CACNA1I: variants seen among roughly 807,000 people sequenced by gnomAD.
The protein encoded by CACNA1I is calcium voltage-gated channel subunit alpha1 I, also known as voltage-dependent T-type calcium channel subunit alpha-1I.
In CACNA1I, 74 loss-of-function variants were observed where a neutral mutation model predicts 201.6. The ratio of observed to expected loss-of-function variants is 0.37; its 90% CI spans 0.30 to 0.45. CACNA1I has a LOEUF of 0.45. Ranked by LOEUF, CACNA1I falls within the 20% of genes least tolerant of loss-of-function variation. The probability of loss-of-function intolerance (pLI) is 1.00; values close to 1 mark genes in which losing one functional copy is unlikely to be tolerated. For missense variants in CACNA1I, 2,346 were observed against 3,138.1 expected, an observed-to-expected ratio of 0.75 and a Z score of 6.03; for synonymous variants, 1,431 against 1,345.2, an observed-to-expected ratio of 1.06 and a Z score of -1.40.
chr22:39,602,316 C>T (rs948224292), intron 3 of CACNA1I, among the ~76,000 whole-genome samples: 4 of 151,614 alleles, frequency 2.6e-5, no homozygotes, highest in African/African-American at 4.8e-5. Context: ...TTCAAGCTTT[C>T]CTCCCACCTC....
intron 3 of CACNA1I, among the ~76,000 whole-genome samples, chr22:39,606,590 T>C (rs1467552513): frequency 1.3e-5 from 2 of 152,178 alleles, no homozygotes; most frequent in Non-Finnish European, 2.9e-5. Flanking sequence ...TGGAGTGCAG[T>C]GGCGCCATCT....
chr22:39,662,062 C>T lies in CACNA1I; in HGVS notation c.2999C>T (p.Ser1000Leu), dbSNP rs1344269733. 6.4e-7 allele frequency: 1 copy of T among 1,553,244 alleles called. No individual in the cohort carries two copies. Among genetic ancestry groups the T allele is most frequent in the Non-Finnish European group, 8.7e-7 (1 of 1,153,786 alleles). The change falls in exon 17 of 37, where the codon TCG (serine) becomes TTG (leucine). Residue 1000 changes from serine (S) to leucine (L), a missense_variant. Physicochemically the swap from Ser to Leu is moderately radical, Grantham distance 145 (BLOSUM62 -2). Transcript: ENST00000402142. ...SWNSLKHKPPSAEHESLLSAE... is the reference protein window; with the variant it reads ...SWNSLKHKPPLAEHESLLSAE... Reference sequence around the variant, plus strand: ...AACAGCCTCAAGCACAAGCCGCCGTCGGCGGAGCATGAGTCCCTGCTCTCT... The same window carrying T: ...AACAGCCTCAAGCACAAGCCGCCGTTGGCGGAGCATGAGTCCCTGCTCTCT...
rs1342113275 is a variant in CACNA1I at position 39,598,226 on chromosome 22, C to T, written c.312C>T (p.Asp104=). 2 of 1,606,740 alleles carry T rather than the reference C, an allele frequency of 1.2e-6. No individual in the cohort carries two copies. The highest frequency in any genetic ancestry group is 1.3e-5 in the African/African-American group (1 of 74,792). Residue 104 remains aspartate, a synonymous_variant, in exon 2 of 37, where the codon GAC becomes GAT. Transcript: ENST00000402142. ...VTLGMYQPCD[D]MDCLSDRCKI... is the part of the protein sequence containing the mutation. ...TTGGCATGTACCAGCCGTGCGACGACATGGACTGCCTGTCCGACCGCTGCA... is the reference window on the plus strand; with the variant it reads ...TTGGCATGTACCAGCCGTGCGACGATATGGACTGCCTGTCCGACCGCTGCA...
At chr22:39,584,861 A>G (rs989533614) in intron 1 of CACNA1I, among the ~76,000 whole-genome samples, 2 of 152,176 alleles carry the variant, frequency 1.3e-5, no homozygotes, top group African/African-American at 4.8e-5. Context: ...ATGTCACATC[A>G]TGGTCCTTGT....
chr22:39,647,081 C>T (rs1394432210), intron 8 of CACNA1I, among the ~76,000 whole-genome samples, 200 bp downstream of exon 8: 3 of 152,382 alleles, frequency 2.0e-5, no homozygotes, highest in South Asian at 2.1e-4. Context: ...TGCGCTGGGC[C>T]GGGCCTGGGG....
intron 18 of CACNA1I, 30 bp from the exon 19 acceptor site, chr22:39,663,688 G>T: frequency 6.2e-7 from 1 of 1,611,878 alleles, no homozygotes; most frequent in South Asian, 1.1e-5. Flanking sequence ...GGCAGCTGAC[G>T]CTCAGGCAGC....
At position 39,634,761 on chromosome 22, in the gene CACNA1I, A is replaced by G. The variant is rs149467952; in HGVS notation, c.740+37A>G. The G allele has an allele frequency of 9.4e-6, 15 of 1,593,210 alleles. No homozygotes were observed. In the African/African-American group the frequency reaches 1.3e-4, roughly 14 times the overall value. ...CCCTGCCACCCATGCAGCTCCGGGGACTCTTACTAAGACACAGTTTTAACC... is the reference window on the plus strand; with the variant it reads ...CCCTGCCACCCATGCAGCTCCGGGGGCTCTTACTAAGACACAGTTTTAACC... On this transcript the variant is annotated intron_variant, in intron 5 of 36. Coordinates refer to ENST00000402142, the MANE Select transcript of CACNA1I (RefSeq NM_021096.4).
chr22:39,669,085 C>G (rs1419156235), intron 24 of CACNA1I, among the ~76,000 whole-genome samples: 1 of 152,120 alleles, frequency 6.6e-6, no homozygotes, highest in Non-Finnish European at 1.5e-5. Flanking sequence ...TTAGGCAAGA[C>G]GTGTGGCTGA....
chr22:39,664,599 GC>G lies in CACNA1I; in HGVS notation c.3667-136del, dbSNP rs372597636. 51 of 562,476 alleles carry G rather than the reference GC, an allele frequency of 9.1e-5. No individual in the cohort carries two copies. The African/African-American group carries it at 9.3e-4, about 10-fold the overall frequency. The allele number at this position is 562,476 out of a possible 1,614,324, so 34.8% of individuals were successfully genotyped here. ...GGCCTGAACCCTCCCCTTCCCTTCG[GC>G]CCCGCCACTTGCAGGACCCCGCCCC... On this transcript the variant is annotated intron_variant, in intron 20 of 36. Transcript: ENST00000402142.
At chr22:39,658,347 G>C (rs1372924008) in intron 11 of CACNA1I, 44 bp downstream of exon 11, 1 of 1,583,450 alleles carries the variant, frequency 6.3e-7, no homozygotes, top group Non-Finnish European at 8.6e-7. Flanking sequence ...GCCTCGGGGG[G>C]ACATTTACTG....
intron 19 of CACNA1I, 87 bp from the exon 20 acceptor site, chr22:39,664,004 C>G: frequency 3.3e-6 from 5 of 1,531,588 alleles, no homozygotes; most frequent in Admixed American, 1.7e-5. Context: ...AGCCTCTCCT[C>G]TACGAACCTT....
At chr22:39,593,201 G>T (rs747909643) in intron 1 of CACNA1I, among the ~76,000 whole-genome samples, 7 of 152,208 alleles carry the variant, frequency 4.6e-5, no homozygotes, top group Non-Finnish European at 1.0e-4. Flanking sequence ...CACCAGCACT[G>T]CTGTGAATCA....
At chr22:39,600,282 G>A (rs546751648) in intron 2 of CACNA1I, among the ~76,000 whole-genome samples, 16 of 152,206 alleles carry the variant, frequency 1.1e-4, no homozygotes, top group Non-Finnish European at 1.6e-4. Context: ...CAGATAGAAC[G>A]GGCTGTATGA....
In CACNA1I at chr22:39,621,276, G is replaced by A. The variant is rs138280954; in HGVS notation, c.580+1869G>A. ...CCCCTTGCTTCTCTTCCCTGCCTGA[G>A]CTTCTGTTTCCCCATCTGCCAAAGA... On this transcript the variant is annotated intron_variant, in intron 4 of 36. Coordinates refer to ENST00000402142, the MANE Select transcript of CACNA1I (RefSeq NM_021096.4). Among the ~76,000 whole-genome samples the A allele has an allele frequency of 8.8e-3, 1,341 of 152,326 alleles. 24 individuals are homozygous for A. The highest frequency in any genetic ancestry group is 0.03 in the African/African-American group (1,256 of 41,568).
intron 35 of CACNA1I, among the ~76,000 whole-genome samples, chr22:39,683,270 G>A (rs1160266200): frequency 3.9e-5 from 6 of 152,106 alleles, no homozygotes; most frequent in African/African-American, 4.8e-5. Flanking sequence ...ACCTGGTTTC[G>A]CATCACTGGC....
intron 1 of CACNA1I, among the ~76,000 whole-genome samples, chr22:39,594,306 T>C (rs1286308100): frequency 6.7e-6 from 1 of 149,800 alleles, no homozygotes; most frequent in Non-Finnish European, 1.5e-5. Flanking sequence ...AGCCTGAAAC[T>C]GGCAGGAGGG....
Position 39,686,419 on chromosome 22 carries a change from C to T in CACNA1I, c.*14C>T, listed in dbSNP as rs1255843934. 1 of 1,229,748 alleles carries T rather than the reference C, an allele frequency of 8.1e-7. No homozygotes were observed. The allele number at this position is 1,229,748 out of a possible 1,614,324, so 76.2% of individuals were successfully genotyped here. A position where few individuals can be genotyped will look rare whatever the true frequency, so the allele number is the denominator to read the frequency against. On this transcript the variant is annotated 3_prime_UTR_variant, in exon 37 of 37. Transcript: ENST00000402142. ...AGGAAGAGATGAGGGTCGCAGGGGC[C>T]CCCGGCCGCCCACCGCCCGCCCCGT...
In CACNA1I at chr22:39,670,128, G is replaced by A; in HGVS notation, c.4285G>A (p.Val1429Ile). The A allele has an allele frequency of 6.2e-7, 1 of 1,613,982 alleles. No individual in the cohort carries two copies. Among genetic ancestry groups the A allele is most frequent in the Non-Finnish European group, 8.5e-7 (1 of 1,179,892 alleles). The change falls in exon 25 of 37, where the codon GTC becomes ATC. Residue 1429 changes from valine (V) to isoleucine (I), a missense_variant. Physicochemically the swap from Val to Ile is conservative, Grantham distance 29. This residue lies in a region of CACNA1I where 228 missense variants were observed against 395.7 expected (regional missense o/e 0.58). Transcript: ENST00000402142. ...SFFVLNMFVGVVVENFHKCRQ... is the reference protein window; with the variant it reads ...SFFVLNMFVGIVVENFHKCRQ... ...CTTTGTGCTCAACATGTTTGTGGGT[G>A]TCGTGGTGGAGAACTTCCACAAGTG...
chr22:39,646,810 G>A lies in CACNA1I; in HGVS notation c.1391G>A (p.Arg464His), dbSNP rs183761118. The A allele has an allele frequency of 5.8e-6, 9 of 1,551,282 alleles. No homozygotes were observed. Among genetic ancestry groups the A allele is most frequent in the Middle Eastern group, 1.7e-4 (1 of 5,818 alleles). Reference sequence around the variant, plus strand: ...CTCTACCAGGCCCTGCAGAGCCGGCGCCAGGCCCTGGGCCCGGAGGCCCCG... The same window carrying A: ...CTCTACCAGGCCCTGCAGAGCCGGCACCAGGCCCTGGGCCCGGAGGCCCCG... Reference protein sequence around the residue: ...LGLYQALQSRRQALGPEAPAP... With the variant: ...LGLYQALQSRHQALGPEAPAP... Residue 464 changes from arginine (R) to histidine (H), a missense_variant, in exon 8 of 37, where the codon CGC becomes CAC. Physicochemically the swap from Arg to His is conservative, Grantham distance 29. Around this residue, in one of 13 missense-constraint regions of CACNA1I, gnomAD observed 312 missense variants for 331.5 expected, o/e 0.94. Coordinates refer to ENST00000402142, the MANE Select transcript of CACNA1I (RefSeq NM_021096.4).
Sources: allele counts gnomAD v4.1 joint callset (sites outside exome capture counted in the v4.1 genomes callset), GRCh38; gene constraint gnomAD v4.1.1; regional missense constraint gnomAD v4.1.1; transcripts MANE v1.5; gene names NCBI Gene and HGNC (gene_info 2026-07-23, HGNC 2026-07-21).